APBA1: variants seen among roughly 807,000 people sequenced by gnomAD.
APBA1 encodes the protein amyloid beta precursor protein binding family A member 1.
A neutral mutation model predicts 86.6 loss-of-function variants in APBA1; 55 were observed. The ratio of observed to expected loss-of-function variants is 0.64; its 90% CI spans 0.51 to 0.80. APBA1 has a LOEUF of 0.80. Among genes scored for constraint, APBA1 ranks in the 30% least tolerant of loss-of-function variants. The pLI, the probability that APBA1 is intolerant of heterozygous loss-of-function variation, is 0.00. For synonymous variants in APBA1, 511 were observed against 493.9 expected (o/e 1.03, Z -0.46); for missense variants, 1,090 against 1,183.0 (o/e 0.92, Z 1.15).
At chr9:69,555,110 C>T (rs1004679311) in intron 1 of APBA1, among the ~76,000 whole-genome samples, 1 of 152,142 alleles carries the variant, frequency 6.6e-6, no homozygotes, top group African/African-American at 2.4e-5. Flanking sequence ...AGTCATTTTG[C>T]TTGGAGACGG....
chr9:69,582,194 C>T (rs932725415), intron 1 of APBA1, among the ~76,000 whole-genome samples: 8 of 152,214 alleles, frequency 5.3e-5, no homozygotes, highest in East Asian at 1.9e-4. Context: ...GGCATCTAAC[C>T]GAGCACTTAA....
intron 2 of APBA1, among the ~76,000 whole-genome samples, chr9:69,487,686 CT>C (rs1222711724): frequency 1.3e-5 from 2 of 152,058 alleles, no homozygotes; most frequent in Non-Finnish European, 2.9e-5. Flanking sequence ...GTCAGTTTGG[CT>C]GTCCCTCGTG....
In APBA1 at chr9:69,498,641, T is replaced by C. The variant is rs78935394; in HGVS notation, c.1200+17370A>G. The stretch of plus-strand genomic sequence containing the variant: ...TCAGAGCCTCTATCTGTCATTGCTG[T>C]ATCCCTGGGGTCTTGCACAGTGCGT... On this transcript the variant is annotated intron_variant, in intron 2 of 12. Coordinates refer to ENST00000265381, the MANE Select transcript of APBA1 (RefSeq NM_001163.4). 8.0e-3 allele frequency among the ~76,000 whole-genome samples: 1,212 copies of C among 152,188 alleles called. 24 individuals are homozygous for C. Among genetic ancestry groups the C allele is most frequent in the African/African-American group, 0.028 (1,165 of 41,516 alleles).
intron 1 of APBA1, among the ~76,000 whole-genome samples, chr9:69,548,432 C>A (rs578172643): frequency 6.6e-6 from 1 of 152,180 alleles, no homozygotes; most frequent in Admixed American, 6.5e-5. Context: ...TATGTCACTA[C>A]GTTTGTGGTA....
At chr9:69,569,284 C>T (rs573607791) in intron 1 of APBA1, among the ~76,000 whole-genome samples, 2 of 152,146 alleles carry the variant, frequency 1.3e-5, no homozygotes, top group Non-Finnish European at 2.9e-5. Context: ...GTGATTTTCA[C>T]GTAAGTGAAA....
intron 1 of APBA1, among the ~76,000 whole-genome samples, chr9:69,520,718 A>G (rs1212895822): frequency 6.6e-6 from 1 of 152,000 alleles, no homozygotes; most frequent in Non-Finnish European, 1.5e-5. Context: ...TATTTCCCAT[A>G]TGGGCAAATG....
intron 1 of APBA1, among the ~76,000 whole-genome samples, chr9:69,547,220 G>T (rs1836712260): frequency 6.6e-6 from 1 of 152,152 alleles, no homozygotes; most frequent in South Asian, 2.1e-4. Flanking sequence ...TCCAAGGATG[G>T]TACTGGAGTT....
intron 1 of APBA1, among the ~76,000 whole-genome samples, chr9:69,648,337 TGATACACG>T (rs1823430778): frequency 6.6e-6 from 1 of 152,224 alleles, no homozygotes; most frequent in South Asian, 2.1e-4. Context: ...TAAGCCACCC[TGATACACG>T]GAAAGCACTG....
At chr9:69,658,370 GTCTCTCTT>G (rs1564105198) in intron 1 of APBA1, among the ~76,000 whole-genome samples, 2 of 121,876 alleles carry the variant, frequency 1.6e-5, no homozygotes, top group East Asian at 2.4e-4. Context: ...GTGTTTCTCT[GTCTCTCTT>G]TCTCTCTTTC....
chr9:69,622,797 A>G (rs1389941767), intron 1 of APBA1, among the ~76,000 whole-genome samples: 1 of 151,992 alleles, frequency 6.6e-6, no homozygotes, highest in African/African-American at 2.4e-5. Context: ...CAAGCTAAAG[A>G]TTTTTCCCTG....
chr9:69,475,625 C>A (rs1431101516), intron 3 of APBA1, among the ~76,000 whole-genome samples: 1 of 152,192 alleles, frequency 6.6e-6, no homozygotes, highest in African/African-American at 2.4e-5. Context: ...AAGAAACTAA[C>A]ACATTTCCCA....
At chr9:69,453,991 G>C (rs1835054855) in intron 8 of APBA1, among the ~76,000 whole-genome samples, 1 of 152,224 alleles carries the variant, frequency 6.6e-6, no homozygotes, top group African/African-American at 2.4e-5. Flanking sequence ...GCTGAATCCA[G>C]AGCCCATCCT....
intron 3 of APBA1, chr9:69,472,408 C>T (rs1406498718): frequency 1.3e-5 from 2 of 152,216 alleles, no homozygotes; most frequent in Non-Finnish European, 2.9e-5. Flanking sequence ...GCAAAACTCA[C>T]CATACGTTCC....
chr9:69,432,537 T>C lies in APBA1; in HGVS notation c.2441A>G (p.Glu814Gly). Reference sequence around the variant, plus strand: ...CCCTCAGCCCCGGACCTCTCCTACCTCCCCAACAGCATTGGAGAGAATGTG... The same window carrying C: ...CCCTCAGCCCCGGACCTCTCCTACCCCCCCAACAGCATTGGAGAGAATGTG... ...IVHILSNAVG[E>G]IHMKTMPAAM... is the part of the protein sequence containing the mutation. Residue 814 changes from glutamate to glycine, a missense_variant and splice_region_variant, in exon 12 of 13, where the codon GAG becomes GGG. This residue lies in a region of APBA1 where 119 missense variants were observed against 124.8 expected (regional missense o/e 0.95). Transcript: ENST00000265381. The C allele has an allele frequency of 1.3e-6, 2 of 1,545,066 alleles. No individual in the cohort carries two copies. The highest frequency in any genetic ancestry group is 1.7e-6 in the Non-Finnish European group (2 of 1,144,788).
intron 1 of APBA1, among the ~76,000 whole-genome samples, chr9:69,569,957 G>A (rs763703785): frequency 1.3e-5 from 2 of 152,126 alleles, no homozygotes; most frequent in South Asian, 2.1e-4. Context: ...CCCATGCCAG[G>A]TAGGTCAGAA....
At chr9:69,445,686 A>G (rs1834895416) in intron 10 of APBA1, among the ~76,000 whole-genome samples, 1 of 152,174 alleles carries the variant, frequency 6.6e-6, no homozygotes, top group South Asian at 2.1e-4. Context: ...ACCAATAATT[A>G]TGCCTTGGGA....
At chr9:69,563,344 T>C (rs1174504970) in intron 1 of APBA1, among the ~76,000 whole-genome samples, 5 of 150,556 alleles carry the variant, frequency 3.3e-5, no homozygotes, top group South Asian at 2.1e-4. Flanking sequence ...TTCTCTACTT[T>C]TACCAGCAAC....
intron 1 of APBA1, among the ~76,000 whole-genome samples, chr9:69,580,884 G>C (rs1328802964): frequency 3.3e-5 from 5 of 152,108 alleles, no homozygotes; most frequent in Non-Finnish European, 5.9e-5. Flanking sequence ...GACCCATTAG[G>C]AGCTAAAGAG....
chr9:69,499,375 T>C (rs1042451649), intron 2 of APBA1, among the ~76,000 whole-genome samples: 1 of 152,114 alleles, frequency 6.6e-6, no homozygotes, highest in Non-Finnish European at 1.5e-5. Flanking sequence ...TCTGTCTACT[T>C]GATTTCAGAT....
Sources: allele counts gnomAD v4.1 joint callset (sites outside exome capture counted in the v4.1 genomes callset), GRCh38; gene constraint gnomAD v4.1.1; regional missense constraint gnomAD v4.1.1; transcripts MANE v1.5; gene names NCBI Gene and HGNC (gene_info 2026-07-23, HGNC 2026-07-21).